The following TET3 variants were observed in gnomAD, a reference collection of about 807,000 sequenced individuals.
TET3 encodes tet methylcytosine dioxygenase 3.
Under a neutral mutation model 141.4 loss-of-function variants are expected in TET3, and 19 were observed. The observed-to-expected ratio is 0.13, with a 90% confidence interval of 0.09 to 0.20. The LOEUF is 0.20. Ranked by LOEUF, TET3 falls within the 10% of genes least tolerant of loss-of-function variation. TET3 has a pLI of 1.00. For missense variants in TET3, 1,874 were observed against 2,356.9 expected, an observed-to-expected ratio of 0.80 and a Z score of 4.24; for synonymous variants, 1,043 against 980.9, an observed-to-expected ratio of 1.06 and a Z score of -1.18.
intron 4 of TET3, among the ~76,000 whole-genome samples, chr2:74,049,405 G>A (rs1359092527): frequency 2.6e-5 from 4 of 152,092 alleles, no homozygotes; most frequent in Non-Finnish European, 5.9e-5. Context: ...CTTGCCTTCT[G>A]GAATGAGAGT....
chr2:74,055,479 A>G (rs984819910), intron 4 of TET3, among the ~76,000 whole-genome samples: 5 of 152,182 alleles, frequency 3.3e-5, no homozygotes, highest in Admixed American at 6.5e-5. Flanking sequence ...AGTAAAGCCT[A>G]ACATTCTACC....
In TET3 at chr2:74,056,161, G is replaced by A. The variant is rs191225415; in HGVS notation, c.2494+7750G>A. 3.6e-3 allele frequency among the ~76,000 whole-genome samples: 549 copies of A among 152,284 alleles called. 2 individuals carry two copies. Among genetic ancestry groups the A allele is most frequent in the African/African-American group, 0.013 (536 of 41,552 alleles). Reference sequence around the variant, plus strand: ...TGTACTAATGTCATAAAAAAGAAATGCCTCAGCTGTGCTCCTGTGTACATT... The same window carrying A: ...TGTACTAATGTCATAAAAAAGAAATACCTCAGCTGTGCTCCTGTGTACATT... On this transcript the variant is annotated intron_variant, in intron 4 of 11. Transcript: ENST00000409262.
chr2:74,039,494 T>C (rs1002781443), intron 3 of TET3, among the ~76,000 whole-genome samples: 1 of 152,214 alleles, frequency 6.6e-6, no homozygotes, highest in Non-Finnish European at 1.5e-5. Context: ...CTTAAAACTT[T>C]TTGGGGTCCT....
intron 3 of TET3, among the ~76,000 whole-genome samples, chr2:74,022,117 T>TTTTTC (rs1491060095): frequency 8.2e-6 from 1 of 121,810 alleles, no homozygotes; most frequent in African/African-American, 2.7e-5. Context: ...TTTTTTTTTT[T>TTTTTC]CCATTTTAAA....
the TET3 span, among the ~76,000 whole-genome samples, chr2:74,124,205 G>A: frequency 3.3e-5 from 5 of 150,074 alleles, no homozygotes; most frequent in East Asian, 2.0e-4. Context: ...CACCCCATCC[G>A]GGAGGGAGGT....
intron 3 of TET3, among the ~76,000 whole-genome samples, chr2:74,008,573 A>G (rs1573674803): frequency 6.6e-6 from 1 of 152,216 alleles, no homozygotes; most frequent in East Asian, 1.9e-4. Flanking sequence ...GGTTGATTGC[A>G]GATTCTACCC....
rs767953129 is a variant in TET3 at position 74,047,081 on chromosome 2, G to A, written c.1164G>A (p.Leu388=). The A allele has an allele frequency of 4.3e-6, 7 of 1,613,774 alleles. No individual in the cohort carries two copies. Among genetic ancestry groups the A allele is most frequent in the African/African-American group, 2.7e-5 (2 of 74,888 alleles). ...CTTCTTGCCCCCTTCCTGAGGCCTT[G>A]TCACCTCCTGCCCCTTTCAGATCTC... ...PQASCPLPEA[L]SPPAPFRSPQ... The change falls in exon 4 of 12, where the codon TTG becomes TTA. Residue 388 remains leucine (L), a synonymous_variant. Coordinates refer to ENST00000409262, the MANE Select transcript of TET3 (RefSeq NM_001287491.2).
rs1687664844 is a variant in TET3, at chr2:74,047,038, C to T, written c.1121C>T (p.Ser374Phe). The change falls in exon 4 of 12, where the codon TCT (serine) becomes TTT (phenylalanine). Residue 374 changes from serine (S) to phenylalanine (F), a missense_variant. By Grantham distance (155) the Ser-to-Phe change is radical. Coordinates refer to ENST00000409262, the MANE Select transcript of TET3 (RefSeq NM_001287491.2). ...TQLSSALPQP[S>F]HSTPQASCPL... Reference sequence around the variant, plus strand: ...CTCTCCTCTGCCCTCCCGCAGCCTTCTCATTCCACCCCCCAGGCTTCTTGC... The same window carrying T: ...CTCTCCTCTGCCCTCCCGCAGCCTTTTCATTCCACCCCCCAGGCTTCTTGC... The T allele has an allele frequency of 6.2e-7, 1 of 1,614,034 alleles. No homozygotes were observed. The highest frequency in any genetic ancestry group is 1.7e-5 in the Admixed American group (1 of 60,034).
At chr2:74,110,448 G>A (rs1256417411), downstream of TET3, among the ~76,000 whole-genome samples, 1 of 152,092 alleles carries the variant, frequency 6.6e-6, no homozygotes, top group African/African-American at 2.4e-5. Flanking sequence ...AAAATAATGG[G>A]CATTCAACGT....
At chr2:74,135,420 T>C in the TET3 span, 1 of 1,101,022 alleles carries the variant, frequency 9.1e-7, no homozygotes, top group Non-Finnish European at 1.4e-6. Flanking sequence ...AAAGCTTCAG[T>C]TGTTTGTTTC....
chr2:74,092,645 A>G (rs907057110), intron 8 of TET3, among the ~76,000 whole-genome samples: 1 of 152,214 alleles, frequency 6.6e-6, no homozygotes, highest in Non-Finnish European at 1.5e-5. Flanking sequence ...GGGAGCCTGA[A>G]GGAGCAGTAG....
intron 6 of TET3, among the ~76,000 whole-genome samples, chr2:74,084,306 A>G (rs924985185): frequency 1.3e-5 from 2 of 152,218 alleles, no homozygotes; most frequent in Non-Finnish European, 2.9e-5. Context: ...TTCCACTTAC[A>G]TGAGGTACCT....
chr2:74,005,615 T>TGGGACAC (rs1236499783), intron 3 of TET3, among the ~76,000 whole-genome samples: 1 of 152,090 alleles, frequency 6.6e-6, no homozygotes, highest in Non-Finnish European at 1.5e-5. Context: ...ACCAAGACCC[T>TGGGACAC]GGGACACGGG....
intron 7 of TET3, among the ~76,000 whole-genome samples, chr2:74,088,650 CA>C (rs895960586): frequency 5.9e-5 from 9 of 151,742 alleles, no homozygotes; most frequent in African/African-American, 2.2e-4. Context: ...AAAACAAAAA[CA>C]AAAAAACCCT....
chr2:74,068,974 G>A (rs1689052268), intron 4 of TET3, among the ~76,000 whole-genome samples: 1 of 152,066 alleles, frequency 6.6e-6, no homozygotes, highest in Non-Finnish European at 1.5e-5. Context: ...TTGTCTTTCA[G>A]CTTGACTTTC....
downstream of TET3, among the ~76,000 whole-genome samples, chr2:74,113,006 CAA>C (rs60299737): frequency 2.9e-3 from 98 of 34,318 alleles, no homozygotes; most frequent in African/African-American, 9.0e-3. Context: ...GACTCCGTCT[CAA>C]AAAAAAAAAA....
chr2:73,988,517 C>T (rs2105067018), intron 2 of TET3, among the ~76,000 whole-genome samples: 1 of 152,278 alleles, frequency 6.6e-6, no homozygotes, highest in East Asian at 1.9e-4. Flanking sequence ...CCTTGTCATC[C>T]TGTGTGTAAG....
chr2:74,122,506 TA>T, the TET3 span: 8 of 85,028 alleles, frequency 9.4e-5, no homozygotes, highest in African/African-American at 4.6e-4. Flanking sequence ...TATATATATA[TA>T]TATATTTTTT....
intron 2 of TET3, among the ~76,000 whole-genome samples, chr2:73,999,785 A>G (rs542776193): frequency 6.6e-6 from 1 of 152,294 alleles, no homozygotes; most frequent in South Asian, 2.1e-4. Flanking sequence ...AGGAGGATCA[A>G]GAGGGGAGCG....
Sources: gnomAD v4.1 joint callset for allele counts (sites outside exome capture counted in the v4.1 genomes callset) on GRCh38, gnomAD v4.1.1 for gene constraint, MANE v1.5 for transcripts, NCBI Gene and HGNC (gene_info 2026-07-23, HGNC 2026-07-21) for gene names.